SLC35F1: variants seen among roughly 807,000 people sequenced by gnomAD.
SLC35F1 encodes chromosome 6 open reading frame 169.
In SLC35F1, 14 loss-of-function variants were observed where a neutral mutation model predicts 48.7. The observed-to-expected ratio is 0.29, with a 90% confidence interval of 0.19 to 0.45. The LOEUF (loss-of-function observed/expected upper bound fraction) is 0.45, where lower values mean the gene tolerates loss of function less well. Ranked by LOEUF, SLC35F1 falls within the 20% of genes least tolerant of loss-of-function variation. SLC35F1 has a pLI of 1.00. For missense variants in SLC35F1, 404 were observed against 500.0 expected (o/e 0.81, Z 1.83); for synonymous variants, 190 against 202.2 (o/e 0.94, Z 0.51).
At chr6:118,030,393 C>G (rs1772028608) in intron 1 of SLC35F1, among the ~76,000 whole-genome samples, 2 of 152,172 alleles carry the variant, frequency 1.3e-5, no homozygotes, top group South Asian at 4.1e-4. Context: ...CTCCTTCCCA[C>G]TACTTTGGCC....
At position 118,130,174 on chromosome 6, in the gene SLC35F1, G is replaced by T. The variant is rs528232650; in HGVS notation, c.174-24271G>T. On this transcript the variant is annotated intron_variant, in intron 1 of 7. Transcript: ENST00000360388. ...TTCCACAACTGTAACATGGAAATTA[G>T]TAGAAGTACCTTCATCAGTGGGTTG... is the stretch of plus-strand genomic sequence containing the variant. Among the ~76,000 whole-genome samples the T allele has an allele frequency of 6.3e-4, 96 of 152,308 alleles. 1 individual carries two copies. The South Asian group carries it at 0.019, about 30-fold the overall frequency.
intron 1 of SLC35F1, among the ~76,000 whole-genome samples, chr6:118,134,057 T>G (rs763067302): frequency 3.9e-4 from 60 of 152,344 alleles, no homozygotes; most frequent in South Asian, 6.2e-4. Flanking sequence ...CCCTAGAAAT[T>G]GAAACACAAC....
chr6:118,125,785 T>C (rs1371110096), intron 1 of SLC35F1, among the ~76,000 whole-genome samples: 1 of 152,172 alleles, frequency 6.6e-6, no homozygotes, highest in East Asian at 1.9e-4. Flanking sequence ...TGATGAGATG[T>C]TGGAGAAAAG....
At chr6:118,162,150 G>T (rs1452098598) in intron 2 of SLC35F1, among the ~76,000 whole-genome samples, 1 of 152,134 alleles carries the variant, frequency 6.6e-6, no homozygotes, top group Non-Finnish European at 1.5e-5. Flanking sequence ...AAAAATTACA[G>T]TTAATTCATG....
chr6:117,938,557 G>C (rs1776188811), intron 1 of SLC35F1, among the ~76,000 whole-genome samples: 1 of 152,344 alleles, frequency 6.6e-6, no homozygotes, highest in Non-Finnish European at 1.5e-5. Context: ...TTTGCCAGCA[G>C]GAGGGGCGGA....
intron 1 of SLC35F1, among the ~76,000 whole-genome samples, chr6:118,067,421 A>G (rs1772631628): frequency 6.6e-6 from 1 of 152,082 alleles, no homozygotes; most frequent in East Asian, 1.9e-4. Context: ...GCCCAGGGAG[A>G]GTCAGAGGGA....
chr6:118,129,970 G>T (rs1773686177), intron 1 of SLC35F1, among the ~76,000 whole-genome samples: 1 of 152,172 alleles, frequency 6.6e-6, no homozygotes, highest in African/African-American at 2.4e-5. Flanking sequence ...GGTCTCAGAT[G>T]TATCAACTGT....
chr6:118,133,602 GA>G (rs2114427248), intron 1 of SLC35F1, among the ~76,000 whole-genome samples: 1 of 152,298 alleles, frequency 6.6e-6, no homozygotes, highest in South Asian at 2.1e-4. Context: ...TTTCATTTTG[GA>G]GTTAAATTTA....
chr6:118,224,690 C>G (rs1775192199), intron 2 of SLC35F1, among the ~76,000 whole-genome samples: 1 of 152,146 alleles, frequency 6.6e-6, no homozygotes, highest in Admixed American at 6.6e-5. Flanking sequence ...GGATTGCTTT[C>G]TTGATTTCTT....
intron 1 of SLC35F1, among the ~76,000 whole-genome samples, chr6:118,129,938 T>G (rs1773685537): frequency 6.6e-6 from 1 of 152,236 alleles, no homozygotes; most frequent in Non-Finnish European, 1.5e-5. Context: ...TCATTCATTT[T>G]TCTCTTTGCT....
At chr6:118,113,823 G>A (rs746831749) in intron 1 of SLC35F1, among the ~76,000 whole-genome samples, 6 of 152,174 alleles carry the variant, frequency 3.9e-5, no homozygotes, top group Non-Finnish European at 8.8e-5. Context: ...TAGTTGTCCA[G>A]TATGGTTTAA....
At chr6:118,095,652 A>C (rs895380814) in intron 1 of SLC35F1, among the ~76,000 whole-genome samples, 1 of 152,174 alleles carries the variant, frequency 6.6e-6, no homozygotes, top group African/African-American at 2.4e-5. Context: ...TATCTGCAGT[A>C]TCAAAAGGAA....
intron 1 of SLC35F1, among the ~76,000 whole-genome samples, chr6:118,108,985 T>G (rs1773360950): frequency 6.6e-6 from 1 of 152,282 alleles, no homozygotes; most frequent in East Asian, 1.9e-4. Context: ...ATTATAACAG[T>G]TTCTAGTTGA....
intron 2 of SLC35F1, among the ~76,000 whole-genome samples, chr6:118,229,298 C>T (rs769339390): frequency 2.0e-5 from 3 of 152,158 alleles, no homozygotes; most frequent in Middle Eastern, 3.2e-3. Context: ...CTCTCATAGA[C>T]TTAGATCAGG....
chr6:117,969,460 T>G (rs1370250852), intron 1 of SLC35F1, among the ~76,000 whole-genome samples: 1 of 152,128 alleles, frequency 6.6e-6, no homozygotes, highest in East Asian at 1.9e-4. Flanking sequence ...TGAAATATAA[T>G]GAAAAGTATA....
chr6:118,220,985 G>C (rs890701861), intron 2 of SLC35F1, among the ~76,000 whole-genome samples: 2 of 152,126 alleles, frequency 1.3e-5, no homozygotes, highest in Admixed American at 1.3e-4. Flanking sequence ...GACACAGAAG[G>C]CTTCACTTGG....
At chr6:118,259,184 T>C (rs1232413759) in intron 3 of SLC35F1, among the ~76,000 whole-genome samples, 1 of 151,810 alleles carries the variant, frequency 6.6e-6, no homozygotes, top group East Asian at 1.9e-4. Context: ...TTTAAAACAA[T>C]TATAAAAGTT....
chr6:118,234,948 C>T (rs1266954644), intron 2 of SLC35F1, among the ~76,000 whole-genome samples: 1 of 152,186 alleles, frequency 6.6e-6, no homozygotes, highest in Non-Finnish European at 1.5e-5. Context: ...TCAAATGGCA[C>T]TCTTTTTCAT....
chr6:118,295,103 C>T (rs1403865910), intron 7 of SLC35F1, among the ~76,000 whole-genome samples: 8 of 146,938 alleles, frequency 5.4e-5, no homozygotes, highest in African/African-American at 1.0e-4. Context: ...TGACCCTCCC[C>T]GTCAGCTCCT....
Sources: allele counts gnomAD v4.1 joint callset (sites outside exome capture counted in the v4.1 genomes callset), GRCh38; gene constraint gnomAD v4.1.1; transcripts MANE v1.5; gene names NCBI Gene and HGNC (gene_info 2026-07-23, HGNC 2026-07-21).